ALDH18A1: variants seen among roughly 807,000 people sequenced by gnomAD.
ALDH18A1 encodes aldehyde dehydrogenase 18 family member A1.
Under a neutral mutation model 88.8 loss-of-function variants are expected in ALDH18A1, and 44 were observed. That is an observed-to-expected ratio of 0.50 (90% confidence interval 0.39 to 0.64). The LOEUF (loss-of-function observed/expected upper bound fraction) is 0.64, where lower values mean the gene tolerates loss of function less well. Ranked by LOEUF, ALDH18A1 falls within the 30% of genes least tolerant of loss-of-function variation. ALDH18A1 has a pLI of 0.00. For missense variants in ALDH18A1, 782 were observed against 1,009.5 expected (o/e 0.77, Z 3.05); for synonymous variants, 331 against 372.1 (o/e 0.89, Z 1.27).
Position 95,606,378 on chromosome 10 carries a change from A to G in ALDH18A1, c.*384T>C. 9.7e-7 allele frequency: 1 copy of G among 1,029,706 alleles called. No individual in the cohort carries two copies. Among genetic ancestry groups the G allele is most frequent in the Non-Finnish European group, 1.2e-6 (1 of 856,890 alleles). The allele number at this position is 1,029,706 out of a possible 1,614,324, so 63.8% of individuals were successfully genotyped here. A position where few individuals can be genotyped will look rare whatever the true frequency, so the allele number is the denominator to read the frequency against. On this transcript the variant is annotated 3_prime_UTR_variant, in exon 18 of 18. Transcript: ENST00000371224. ...TGTGAAAGAAATAAAATGTGAAAAG[A>G]TTTGTTAAGGATGACTGGCTCTAGT...
intron 3 of ALDH18A1, among the ~76,000 whole-genome samples, chr10:95,642,319 A>G (rs2097893288): frequency 6.6e-6 from 1 of 152,192 alleles, no homozygotes; most frequent in Admixed American, 6.5e-5. Flanking sequence ...CTACGAAACT[A>G]AAATATTTAC....
chr10:95,647,131 C>A (rs2097902598), intron 2 of ALDH18A1, among the ~76,000 whole-genome samples: 1 of 152,094 alleles, frequency 6.6e-6, no homozygotes, highest in Non-Finnish European at 1.5e-5. Context: ...TCCAAATCCC[C>A]AAATTCAAAA....
rs1589466955 is a variant in ALDH18A1, at chr10:95,606,492, A to C, written c.*270T>G. 1 of 1,306,728 alleles carries C rather than the reference A, an allele frequency of 7.7e-7. No individual in the cohort carries two copies. The highest frequency in any genetic ancestry group is 9.8e-7 in the Non-Finnish European group (1 of 1,021,704). 80.9% of individuals were successfully genotyped at this position (1,306,728 alleles called of 1,614,324 possible). On this transcript the variant is annotated 3_prime_UTR_variant, in exon 18 of 18. Coordinates refer to ENST00000371224, the MANE Select transcript of ALDH18A1 (RefSeq NM_002860.4). ...CTCGCCTTTTTTATGGGGAAAATGCACCTTTCAATCCTAGAAGATAATTGG... is the reference window on the plus strand; with the variant it reads ...CTCGCCTTTTTTATGGGGAAAATGCCCCTTTCAATCCTAGAAGATAATTGG...
At chr10:95,653,828 C>T (rs987274026) in intron 1 of ALDH18A1, among the ~76,000 whole-genome samples, 2 of 152,184 alleles carry the variant, frequency 1.3e-5, no homozygotes, top group Non-Finnish European at 2.9e-5. Flanking sequence ...GGAAATGCAC[C>T]TATTTGAAAT....
At chr10:95,638,946 C>T (rs972923128) in intron 3 of ALDH18A1, among the ~76,000 whole-genome samples, 1 of 151,860 alleles carries the variant, frequency 6.6e-6, no homozygotes, top group African/African-American at 2.4e-5. Flanking sequence ...AATCATGGCT[C>T]ACTGTAGCCC....
intron 3 of ALDH18A1, among the ~76,000 whole-genome samples, 162 bp downstream of exon 3, chr10:95,642,830 C>T (rs889289138): frequency 2.6e-5 from 4 of 152,368 alleles, no homozygotes. Context: ...GATGTCGTCT[C>T]TCACTGGCGT....
intron 2 of ALDH18A1, 91 bp from the exon 3 acceptor site, chr10:95,643,297 G>T: frequency 7.7e-7 from 1 of 1,293,048 alleles, no homozygotes; most frequent in Non-Finnish European, 1.1e-6. Context: ...AACCAGTTTA[G>T]ATACCAAAAA....
At chr10:95,643,593 A>C (rs976337203) in intron 2 of ALDH18A1, among the ~76,000 whole-genome samples, 7 of 152,254 alleles carry the variant, frequency 4.6e-5, no homozygotes, top group Admixed American at 4.6e-4. Flanking sequence ...ATGTTGGATA[A>C]AGGGAAAAAG....
chr10:95,628,990 T>C (rs944895707), intron 7 of ALDH18A1: 3 of 200,086 alleles, frequency 1.5e-5, no homozygotes, highest in Non-Finnish European at 3.1e-5. Flanking sequence ...CTCCCAGTTT[T>C]ATGAGTGAGT....
At chr10:95,614,580 G>A (rs1420703904) in intron 13 of ALDH18A1, among the ~76,000 whole-genome samples, 1 of 152,308 alleles carries the variant, frequency 6.6e-6, no homozygotes, top group East Asian at 1.9e-4. Flanking sequence ...TGGCTTCTCT[G>A]TTGGTTTTCT....
chr10:95,613,975 T>A lies in ALDH18A1; in HGVS notation c.1792A>T (p.Thr598Ser). ...ACCCCATCCAGCTCACCTAGCCTGG[T>A]GACCTTATCAACACTGGCCTCGGAA... ...VDSEASVDKV[T>S]RLVRDSKCEY... Residue 598 changes from threonine (T) to serine (S), a missense_variant, in exon 14 of 18, where the codon ACC (threonine) becomes TCC (serine). Around this residue, in one of 3 missense-constraint regions of ALDH18A1, gnomAD observed 556 missense variants for 654.5 expected, o/e 0.85. Coordinates refer to ENST00000371224, the MANE Select transcript of ALDH18A1 (RefSeq NM_002860.4). The A allele has an allele frequency of 6.2e-7, 1 of 1,614,222 alleles. No homozygotes were observed. The highest frequency in any genetic ancestry group is 8.5e-7 in the Non-Finnish European group (1 of 1,180,028).
chr10:95,643,126 G>T lies in ALDH18A1; in HGVS notation c.169C>A (p.His57Asn), dbSNP rs200858692. ...PFITVPLSRT[H>N]GKSFAHRSEL... ...CTGCGGTGGGCGAAGGACTTGCCAT[G>T]TGTACGACTGAGGGGTACAGTGATA... is the stretch of plus-strand genomic sequence containing the variant. The change falls in exon 3 of 18, where the codon CAT becomes AAT. Residue 57 changes from histidine (H) to asparagine (N), a missense_variant. Transcript: ENST00000371224. 6.6e-5 allele frequency: 107 copies of T among 1,614,122 alleles called. No homozygotes were observed. The highest frequency in any genetic ancestry group is 8.7e-5 in the Non-Finnish European group (103 of 1,180,050).
At chr10:95,630,224 C>T (rs1211890622) in intron 7 of ALDH18A1, among the ~76,000 whole-genome samples, 3 of 152,152 alleles carry the variant, frequency 2.0e-5, no homozygotes, top group Admixed American at 1.3e-4. Flanking sequence ...GATCTTACTG[C>T]CTCAGCCCTC....
At chr10:95,636,120 G>C (rs1350848480) in intron 5 of ALDH18A1, among the ~76,000 whole-genome samples, 1 of 152,144 alleles carries the variant, frequency 6.6e-6, no homozygotes, top group East Asian at 1.9e-4. Context: ...GAACATCACT[G>C]TGGGTACAAA....
chr10:95,622,422 G>A (rs1294685340), intron 11 of ALDH18A1, among the ~76,000 whole-genome samples: 5 of 151,946 alleles, frequency 3.3e-5, no homozygotes, highest in Admixed American at 2.6e-4. Flanking sequence ...GGCTGGTCTC[G>A]AACTCCTGGG....
intron 1 of ALDH18A1, among the ~76,000 whole-genome samples, chr10:95,655,483 T>C (rs1312974482): frequency 6.6e-6 from 1 of 152,162 alleles, no homozygotes; most frequent in Non-Finnish European, 1.5e-5. Context: ...CACACACATA[T>C]ATTGACTGAC....
chr10:95,630,020 C>T (rs1483542114), intron 7 of ALDH18A1, among the ~76,000 whole-genome samples: 1 of 151,934 alleles, frequency 6.6e-6, no homozygotes, highest in African/African-American at 2.4e-5. Flanking sequence ...TGAAACTGGC[C>T]TCTGTCAAGC....
intron 9 of ALDH18A1, 55 bp from the exon 10 acceptor site, chr10:95,626,831 TCTA>T: frequency 6.5e-6 from 10 of 1,534,908 alleles, no homozygotes; most frequent in Non-Finnish European, 7.2e-6. Flanking sequence ...TCTCTCTAGT[TCTA>T]CTACTAGAGA....
At chr10:95,644,142 C>CA (rs964807435) in intron 2 of ALDH18A1, among the ~76,000 whole-genome samples, 9 of 150,942 alleles carry the variant, frequency 6.0e-5, no homozygotes, top group African/African-American at 1.2e-4. Flanking sequence ...GACTCCTTCT[C>CA]AAAAAAACAA....
Sources: gnomAD v4.1 joint callset for allele counts (sites outside exome capture counted in the v4.1 genomes callset) on GRCh38, gnomAD v4.1.1 for gene constraint, gnomAD v4.1.1 regional missense constraint, MANE v1.5 for transcripts, NCBI Gene and HGNC (gene_info 2026-07-23, HGNC 2026-07-21) for gene names.